The following SPRR2D variants were observed in gnomAD, a reference collection of about 807,000 sequenced individuals.
SPRR2D encodes the protein small proline-rich protein 2D.
For synonymous variants in SPRR2D, 43 were observed against 32.8 expected, an observed-to-expected ratio of 1.31 and a Z score of -1.06; for missense variants, 81 against 87.2, an observed-to-expected ratio of 0.93 and a Z score of 0.28.
Position 153,040,035 on chromosome 1 carries a change from G to A in SPRR2D, c.*93C>T. ...AGAAAGAAGCTCCCTGTGCATCCAT[G>A]GAAGGCTTTGGTGAGAAGATGCAAG... On this transcript the variant is annotated 3_prime_UTR_variant, in exon 2 of 2. Transcript: ENST00000360379. 6.5e-7 allele frequency: 1 copy of A among 1,545,722 alleles called. No individual in the cohort carries two copies. Among genetic ancestry groups the A allele is most frequent in the East Asian group, 2.3e-5 (1 of 44,252 alleles).
At chr1:153,040,762 A>C in intron 1 of SPRR2D, 1 of 230,072 alleles carries the variant, frequency 4.3e-6, no homozygotes, top group Non-Finnish European at 8.5e-6. Context: ...TTTGGGAAGG[A>C]TTGCAGGCTC....
chr1:153,040,313 A>C lies in SPRR2D; in HGVS notation c.34T>G (p.Cys12Gly). ...GTGGGGCACACAGGAGGTGGCTGGC[A>C]GGGCTGCTTGCACTGCTGCTGTTGA... is the stretch of plus-strand genomic sequence containing the variant. ...SYQQQQCKQP[C>G]QPPPVCPTPK... The change falls in exon 2 of 2, where the codon TGC becomes GGC. Residue 12 changes from cysteine to glycine, a missense_variant. Coordinates refer to ENST00000360379, the MANE Select transcript of SPRR2D (RefSeq NM_006945.5). The C allele has an allele frequency of 6.2e-7, 1 of 1,612,088 alleles. No individual in the cohort carries two copies. The highest frequency in any genetic ancestry group is 8.5e-7 in the Non-Finnish European group (1 of 1,179,866).
chr1:153,040,269 T>C lies in SPRR2D; in HGVS notation c.78A>G (p.Pro26=), dbSNP rs112598608. 7 of 1,612,430 alleles carry C rather than the reference T, an allele frequency of 4.3e-6. No individual in the cohort carries two copies. Among genetic ancestry groups the C allele is most frequent in the Admixed American group, 3.3e-5 (2 of 60,010 alleles). Residue 26 remains proline, a synonymous_variant, in exon 2 of 2, where the codon CCA becomes CCG. Coordinates refer to ENST00000360379, the MANE Select transcript of SPRR2D (RefSeq NM_006945.5). ...PVCPTPKCPE[P]CPPPKCPEPC... ...GCTCAGGGCACTTCGGGGGTGGACA[T>C]GGCTCTGGGCACTTTGGCGTGGGGC...
chr1:153,039,847 G>T lies in SPRR2D; in HGVS notation c.*281C>A, dbSNP rs2101594946. 3.4e-6 allele frequency: 2 copies of T among 588,950 alleles called. No homozygotes were observed. Among genetic ancestry groups the T allele is most frequent in the Non-Finnish European group, 2.9e-6 (1 of 344,910 alleles). 36.5% of individuals were successfully genotyped at this position (588,950 alleles called of 1,614,324 possible). ...GAACACATCAACAGAATTGTCTGAT[G>T]GTTCCCAGGGAGAGAGCTGCTGCTC... is the stretch of plus-strand genomic sequence containing the variant. On this transcript the variant is annotated 3_prime_UTR_variant, in exon 2 of 2. Coordinates refer to ENST00000360379, the MANE Select transcript of SPRR2D (RefSeq NM_006945.5).
Position 153,040,033 on chromosome 1 carries a change from A to T in SPRR2D, c.*95T>A, listed in dbSNP as rs1183064334. 6.5e-7 allele frequency: 1 copy of T among 1,545,108 alleles called. No individual in the cohort carries two copies. The highest frequency in any genetic ancestry group is 2.3e-5 in the East Asian group (1 of 44,274). On this transcript the variant is annotated 3_prime_UTR_variant, in exon 2 of 2. Coordinates refer to ENST00000360379, the MANE Select transcript of SPRR2D (RefSeq NM_006945.5). ...GGAGAAAGAAGCTCCCTGTGCATCCATGGAAGGCTTTGGTGAGAAGATGCA... is the reference window on the plus strand; with the variant it reads ...GGAGAAAGAAGCTCCCTGTGCATCCTTGGAAGGCTTTGGTGAGAAGATGCA...
Position 153,039,942 on chromosome 1 carries a change from A to G in SPRR2D, c.*186T>C. The stretch of plus-strand genomic sequence containing the variant: ...TTCTTAGCTCCACCTGGACAGTGGC[A>G]GTATGGCAGCCTCAGAAAGGGAATC... On this transcript the variant is annotated 3_prime_UTR_variant, in exon 2 of 2. Coordinates refer to ENST00000360379, the MANE Select transcript of SPRR2D (RefSeq NM_006945.5). 8.3e-7 allele frequency: 1 copy of G among 1,209,256 alleles called. No homozygotes were observed. The highest frequency in any genetic ancestry group is 1.1e-6 in the Non-Finnish European group (1 of 876,854). The allele number at this position is 1,209,256 out of a possible 1,614,324, so 74.9% of individuals were successfully genotyped here. A position where few individuals can be genotyped will look rare whatever the true frequency, so the allele number is the denominator to read the frequency against.
In SPRR2D at chr1:153,040,230, T is replaced by G; in HGVS notation, c.117A>C (p.Pro39=). 1 of 1,612,678 alleles carries G rather than the reference T, an allele frequency of 6.2e-7. No individual in the cohort carries two copies. Among genetic ancestry groups the G allele is most frequent in the Non-Finnish European group, 8.5e-7 (1 of 1,179,840 alleles). ...PPKCPEPCPS[P]KCPQPCPPQQ... Reference sequence around the variant, plus strand: ...GAGGTGGGCAGGGCTGTGGACACTTTGGTGATGGGCAGGGCTCAGGGCACT... The same window carrying G: ...GAGGTGGGCAGGGCTGTGGACACTTGGGTGATGGGCAGGGCTCAGGGCACT... Residue 39 remains proline, a synonymous_variant, in exon 2 of 2, where the codon CCA becomes CCC. Coordinates refer to ENST00000360379, the MANE Select transcript of SPRR2D (RefSeq NM_006945.5).
In SPRR2D at chr1:153,039,979, C is replaced by T. The variant is rs1048282; in HGVS notation, c.*149G>A. ...TCAGAAAGGGAATCTTTTGCTGTCA[C>T]AGATCATCACAGGCAGGCCACAGGT... On this transcript the variant is annotated 3_prime_UTR_variant, in exon 2 of 2. Coordinates refer to ENST00000360379, the MANE Select transcript of SPRR2D (RefSeq NM_006945.5). 8 of 1,432,376 alleles carry T rather than the reference C, an allele frequency of 5.6e-6. No individual in the cohort carries two copies. The highest frequency in any genetic ancestry group is 7.5e-6 in the Non-Finnish European group (8 of 1,063,494). The allele number at this position is 1,432,376 out of a possible 1,614,324, so 88.7% of individuals were successfully genotyped here.
rs373415783 is a variant in SPRR2D at position 153,040,185 on chromosome 1, A to T, written c.162T>A (p.Tyr54Ter). Residue 54 changes from tyrosine (Y) to a stop codon, truncating the protein, a stop_gained, in exon 2 of 2, where the codon TAT (tyrosine) becomes TAA (stop). Coordinates refer to ENST00000360379, the MANE Select transcript of SPRR2D (RefSeq NM_006945.5). LOFTEE classifies it high-confidence loss of function. Reference sequence around the variant, plus strand: ...AGGGTGGGGAAGGTGTCACAGGAGGATATTTCTGCTGGCACTGCTGAGGTG... The same window carrying T: ...AGGGTGGGGAAGGTGTCACAGGAGGTTATTTCTGCTGGCACTGCTGAGGTG... ...PCPPQQCQQK[Y>*]PPVTPSPPCQ... The T allele has an allele frequency of 1.2e-6, 2 of 1,612,862 alleles. No homozygotes were observed. Among genetic ancestry groups the T allele is most frequent in the Admixed American group, 3.3e-5 (2 of 60,006 alleles).
chr1:153,040,637 T>C, intron 1 of SPRR2D: 1 of 584,042 alleles, frequency 1.7e-6, no homozygotes, highest in Non-Finnish European at 2.9e-6. Flanking sequence ...AAATAACATC[T>C]TTAGGAAAGG....
Position 153,039,929 on chromosome 1 carries a change from C to T in SPRR2D, c.*199G>A. Reference sequence around the variant, plus strand: ...TGAGGACTTCCTTTTCTTAGCTCCACCTGGACAGTGGCAGTATGGCAGCCT... The same window carrying T: ...TGAGGACTTCCTTTTCTTAGCTCCATCTGGACAGTGGCAGTATGGCAGCCT... On this transcript the variant is annotated 3_prime_UTR_variant, in exon 2 of 2. Coordinates refer to ENST00000360379, the MANE Select transcript of SPRR2D (RefSeq NM_006945.5). 8.8e-7 allele frequency: 1 copy of T among 1,131,470 alleles called. No individual in the cohort carries two copies. The highest frequency in any genetic ancestry group is 2.9e-5 in the Admixed American group (1 of 34,250). 70.1% of individuals were successfully genotyped at this position (1,131,470 alleles called of 1,614,324 possible).
Position 153,040,365 on chromosome 1 carries a change from T to C in SPRR2D, c.-19A>G. ...AAGACATCCTGCTGGAGTCTCAGGA[T>C]CTGAAAGAAATGATACAACAGTGTT... is the stretch of plus-strand genomic sequence containing the variant. On this transcript the variant is annotated splice_region_variant and 5_prime_UTR_variant, in exon 2 of 2. Transcript: ENST00000360379. 3 of 1,610,756 alleles carry C rather than the reference T, an allele frequency of 1.9e-6. No individual in the cohort carries two copies. Among genetic ancestry groups the C allele is most frequent in the Non-Finnish European group, 2.5e-6 (3 of 1,179,836 alleles).
Position 153,039,751 on chromosome 1 carries a change from T to C in SPRR2D, c.*377A>G. 1 of 392,130 alleles carries C rather than the reference T, an allele frequency of 2.6e-6. No individual in the cohort carries two copies. Among genetic ancestry groups the C allele is most frequent in the Middle Eastern group, 6.6e-4 (1 of 1,504 alleles). 24.3% of individuals were successfully genotyped at this position (392,130 alleles called of 1,614,324 possible). On this transcript the variant is annotated 3_prime_UTR_variant, in exon 2 of 2. Transcript: ENST00000360379. ...CAAATATATATGCATAGATACTTTA[T>C]TCAGGGAGTGAAAGATAAATGACAA...
In SPRR2D at chr1:153,039,986, T is replaced by A; in HGVS notation, c.*142A>T. On this transcript the variant is annotated 3_prime_UTR_variant, in exon 2 of 2. Coordinates refer to ENST00000360379, the MANE Select transcript of SPRR2D (RefSeq NM_006945.5). ...GGGAATCTTTTGCTGTCACAGATCA[T>A]CACAGGCAGGCCACAGGTTAAGGAG... 1 of 1,462,342 alleles carries A rather than the reference T, an allele frequency of 6.8e-7. No individual in the cohort carries two copies. Among genetic ancestry groups the A allele is most frequent in the East Asian group, 2.3e-5 (1 of 43,660 alleles). The allele number at this position is 1,462,342 out of a possible 1,614,324, so 90.6% of individuals were successfully genotyped here.
At position 153,039,986 on chromosome 1, in the gene SPRR2D, TCACAGGCAGGC is replaced by T; in HGVS notation, c.*131_*141del. ...GGGAATCTTTTGCTGTCACAGATCA[TCACAGGCAGGC>T]CACAGGTTAAGGAGAAAGAAGCTCC... On this transcript the variant is annotated 3_prime_UTR_variant, in exon 2 of 2. Coordinates refer to ENST00000360379, the MANE Select transcript of SPRR2D (RefSeq NM_006945.5). 1.4e-6 allele frequency: 2 copies of T among 1,462,342 alleles called. No homozygotes were observed. Among genetic ancestry groups the T allele is most frequent in the African/African-American group, 1.4e-5 (1 of 70,766 alleles). The allele number at this position is 1,462,342 out of a possible 1,614,324, so 90.6% of individuals were successfully genotyped here.
rs1314657146 is a variant in SPRR2D, at chr1:153,040,363, G to A, written c.-17C>T. On this transcript the variant is annotated splice_region_variant and 5_prime_UTR_variant, in exon 2 of 2. Coordinates refer to ENST00000360379, the MANE Select transcript of SPRR2D (RefSeq NM_006945.5). Reference sequence around the variant, plus strand: ...ATAAGACATCCTGCTGGAGTCTCAGGATCTGAAAGAAATGATACAACAGTG... The same window carrying A: ...ATAAGACATCCTGCTGGAGTCTCAGAATCTGAAAGAAATGATACAACAGTG... The A allele has an allele frequency of 4.3e-6, 7 of 1,610,678 alleles. No individual in the cohort carries two copies. The highest frequency in any genetic ancestry group is 1.3e-5 in the African/African-American group (1 of 74,828).
Position 153,040,096 on chromosome 1 carries a change from T to A in SPRR2D, c.*32A>T. On this transcript the variant is annotated 3_prime_UTR_variant, in exon 2 of 2. Coordinates refer to ENST00000360379, the MANE Select transcript of SPRR2D (RefSeq NM_006945.5). ...GAACGAGGTGAGCCAATTATCCTTA[T>A]CCTCTCATGCTCCTGATGAATCCTG... The A allele has an allele frequency of 6.2e-7, 1 of 1,602,630 alleles. No homozygotes were observed. Among genetic ancestry groups the A allele is most frequent in the Non-Finnish European group, 8.5e-7 (1 of 1,174,964 alleles).
At position 153,040,060 on chromosome 1, in the gene SPRR2D, G is replaced by A; in HGVS notation, c.*68C>T. On this transcript the variant is annotated 3_prime_UTR_variant, in exon 2 of 2. Transcript: ENST00000360379. ...GGAAGGCTTTGGTGAGAAGATGCAAGTGGAGCTGTGGAACGAGGTGAGCCA... is the reference window on the plus strand; with the variant it reads ...GGAAGGCTTTGGTGAGAAGATGCAAATGGAGCTGTGGAACGAGGTGAGCCA... 1 of 1,567,790 alleles carries A rather than the reference G, an allele frequency of 6.4e-7. No individual in the cohort carries two copies. The highest frequency in any genetic ancestry group is 8.7e-7 in the Non-Finnish European group (1 of 1,155,892).
Position 153,039,760 on chromosome 1 carries a change from T to G in SPRR2D, c.*368A>C. ...ATGCATAGATACTTTATTCAGGGAG[T>G]GAAAGATAAATGACAATTGCAAAGG... On this transcript the variant is annotated 3_prime_UTR_variant, in exon 2 of 2. Coordinates refer to ENST00000360379, the MANE Select transcript of SPRR2D (RefSeq NM_006945.5). 2.5e-6 allele frequency: 1 copy of G among 397,988 alleles called. No homozygotes were observed. Among genetic ancestry groups the G allele is most frequent in the East Asian group, 3.8e-5 (1 of 26,008 alleles). The allele number at this position is 397,988 out of a possible 1,614,324, so 24.7% of individuals were successfully genotyped here.
Sources: gnomAD v4.1 joint callset for allele counts on GRCh38, gnomAD v4.1.1 for gene constraint, MANE v1.5 for transcripts, NCBI Gene and HGNC (gene_info 2026-07-23, HGNC 2026-07-21) for gene names.